DYNC1I1: variants seen among roughly 807,000 people sequenced by gnomAD.
DYNC1I1 encodes dynein cytoplasmic 1 intermediate chain 1, also known as cytoplasmic dynein 1 intermediate chain 1.
Under a neutral mutation model 86.6 loss-of-function variants are expected in DYNC1I1, and 43 were observed. The ratio of observed to expected loss-of-function variants is 0.50; its 90% CI spans 0.39 to 0.64. DYNC1I1 has a LOEUF of 0.64. DYNC1I1 is among the 30% of genes least tolerant of loss of function. The pLI is 0.00. For missense variants in DYNC1I1, 604 were observed against 788.8 expected (o/e 0.77, Z 2.81); for synonymous variants, 262 against 283.7 (o/e 0.92, Z 0.77).
chr7:96,034,232 A>G (rs1794881018), intron 12 of DYNC1I1, among the ~76,000 whole-genome samples: 1 of 152,084 alleles, frequency 6.6e-6, no homozygotes. Flanking sequence ...AACATTATAG[A>G]GGGCTGGAGG....
intron 5 of DYNC1I1, among the ~76,000 whole-genome samples, chr7:95,838,573 A>G (rs1356751412): frequency 6.6e-6 from 1 of 152,182 alleles, no homozygotes; most frequent in Admixed American, 6.5e-5. Flanking sequence ...TTTCTATGAA[A>G]AATATCATTT....
At chr7:95,924,945 C>T (rs1791704737) in intron 6 of DYNC1I1, among the ~76,000 whole-genome samples, 1 of 152,146 alleles carries the variant, frequency 6.6e-6, no homozygotes, top group African/African-American at 2.4e-5. Context: ...CAGACTCACC[C>T]AAGGACAGCC....
At chr7:96,091,100 A>G (rs1032954919) in intron 16 of DYNC1I1, among the ~76,000 whole-genome samples, 1 of 152,168 alleles carries the variant, frequency 6.6e-6, no homozygotes, top group African/African-American at 2.4e-5. Context: ...ACAGACATGT[A>G]TTTGTATACC....
At chr7:95,899,757 G>A (rs1284596289) in intron 6 of DYNC1I1, among the ~76,000 whole-genome samples, 2 of 152,118 alleles carry the variant, frequency 1.3e-5, no homozygotes, top group Non-Finnish European at 2.9e-5. Context: ...TTTAAAGCAC[G>A]GAGGGGAAGA....
intron 14 of DYNC1I1, among the ~76,000 whole-genome samples, chr7:96,058,255 A>G (rs893343322): frequency 1.4e-4 from 21 of 152,210 alleles, no homozygotes; most frequent in Non-Finnish European, 2.6e-4. Context: ...TGGAGAACGT[A>G]ATGTGTTTTT....
chr7:96,010,406 A>G (rs539891247), intron 10 of DYNC1I1, among the ~76,000 whole-genome samples: 1 of 152,254 alleles, frequency 6.6e-6, no homozygotes, highest in South Asian at 2.1e-4. Context: ...AAGATCCTGC[A>G]AATGTTTGGG....
At chr7:96,006,258 A>C (rs947362552) in intron 10 of DYNC1I1, among the ~76,000 whole-genome samples, 3 of 152,190 alleles carry the variant, frequency 2.0e-5, no homozygotes, top group African/African-American at 7.2e-5. Context: ...ATGACTTGGC[A>C]GGGGAAGATG....
chr7:95,979,227 T>G (rs1184047790), intron 7 of DYNC1I1, among the ~76,000 whole-genome samples: 2 of 152,212 alleles, frequency 1.3e-5, no homozygotes, highest in African/African-American at 2.4e-5. Context: ...AAGATAGTAA[T>G]GAAAAAGCAT....
At position 95,862,917 on chromosome 7, in the gene DYNC1I1, A is replaced by G. The variant is rs1029648926; in HGVS notation, c.375-6966A>G. Among the ~76,000 whole-genome samples the G allele has an allele frequency of 2.0e-5, 3 of 152,198 alleles. 1 individual carries two copies. In the South Asian group the frequency reaches 6.2e-4, roughly 32 times the overall value. On this transcript the variant is annotated intron_variant, in intron 5 of 16. Transcript: ENST00000447467. ...ACATCTCTGTATTATAATACCTAAT[A>G]CAATGTAAATGTTACATAAATTGTT...
At chr7:95,940,536 A>T (rs1792180238) in intron 6 of DYNC1I1, among the ~76,000 whole-genome samples, 1 of 151,826 alleles carries the variant, frequency 6.6e-6, no homozygotes, top group South Asian at 2.1e-4. Flanking sequence ...TTCTCGCTTC[A>T]TTTCATTCAT....
At chr7:96,007,092 T>A (rs1033865369) in intron 10 of DYNC1I1, among the ~76,000 whole-genome samples, 1 of 152,214 alleles carries the variant, frequency 6.6e-6, no homozygotes, top group African/African-American at 2.4e-5. Flanking sequence ...ATTATTCTTT[T>A]AGTTAGCAAG....
chr7:95,974,000 A>G (rs139692744), intron 6 of DYNC1I1, among the ~76,000 whole-genome samples: 6 of 152,280 alleles, frequency 3.9e-5, no homozygotes, highest in Non-Finnish European at 7.4e-5. Flanking sequence ...GCAAGAATCT[A>G]TTTGTTATTA....
At chr7:95,944,226 A>G (rs1292735048) in intron 6 of DYNC1I1, among the ~76,000 whole-genome samples, 1 of 152,254 alleles carries the variant, frequency 6.6e-6, no homozygotes, top group Non-Finnish European at 1.5e-5. Flanking sequence ...ATATGAACAG[A>G]CACTTCTCAA....
intron 1 of DYNC1I1, among the ~76,000 whole-genome samples, chr7:95,783,378 G>C (rs1040608205): frequency 4.6e-5 from 7 of 152,158 alleles, no homozygotes; most frequent in Non-Finnish European, 7.3e-5. Flanking sequence ...AGAACTTATG[G>C]AATGCCAGCC....
At chr7:95,997,520 T>C (rs1411759460) in intron 10 of DYNC1I1, among the ~76,000 whole-genome samples, 1 of 151,986 alleles carries the variant, frequency 6.6e-6, no homozygotes, top group Non-Finnish European at 1.5e-5. Flanking sequence ...TGGAATCAAC[T>C]GTAAATTACT....
At chr7:96,040,727 T>TTC (rs1305148624) in intron 14 of DYNC1I1, among the ~76,000 whole-genome samples, 1 of 151,752 alleles carries the variant, frequency 6.6e-6, no homozygotes, top group African/African-American at 2.4e-5. Flanking sequence ...TTTTTTTTTT[T>TTC]TTTCTTTTTT....
In DYNC1I1 at chr7:96,004,792, G is replaced by A. The variant is rs1382565219; in HGVS notation, c.969+8719G>A. Among the ~76,000 whole-genome samples the A allele has an allele frequency of 3.3e-5, 5 of 152,120 alleles. No individual in the cohort carries two copies. In the East Asian group the frequency reaches 5.8e-4, roughly 18 times the overall value. ...ACAAAATCCACAGTGTCCTGTAGGG[G>A]ATGCCTTTGCAAAACCATGCCTCTC... On this transcript the variant is annotated intron_variant, in intron 10 of 16. Transcript: ENST00000447467.
intron 9 of DYNC1I1, among the ~76,000 whole-genome samples, chr7:95,995,385 C>T (rs1793840403): frequency 6.6e-6 from 1 of 152,116 alleles, no homozygotes; most frequent in Non-Finnish European, 1.5e-5. Context: ...TCAATGAGAT[C>T]ATTTTTCTAT....
At chr7:95,831,400 TCTCA>T (rs1424925944) in intron 5 of DYNC1I1, among the ~76,000 whole-genome samples, 2 of 152,064 alleles carry the variant, frequency 1.3e-5, no homozygotes, top group African/African-American at 4.8e-5. Flanking sequence ...TGAGACAGAG[TCTCA>T]CTCTGTCACC....
Sources: gnomAD v4.1 joint callset for allele counts (sites outside exome capture counted in the v4.1 genomes callset) on GRCh38, gnomAD v4.1.1 for gene constraint, MANE v1.5 for transcripts, NCBI Gene and HGNC (gene_info 2026-07-23, HGNC 2026-07-21) for gene names.